LRP1B: variants seen among roughly 807,000 people sequenced by gnomAD.
The protein encoded by LRP1B is LDL receptor related protein 1B.
Under a neutral mutation model 556.6 loss-of-function variants are expected in LRP1B, and 217 were observed. The observed-to-expected ratio is 0.39, with a 90% confidence interval of 0.35 to 0.44. The LOEUF is 0.44. Among genes scored for constraint, LRP1B ranks in the 20% least tolerant of loss-of-function variants. LRP1B has a pLI of 1.00. For missense variants in LRP1B, 5,053 were observed against 5,620.8 expected (o/e 0.90, Z 3.23); for synonymous variants, 2,047 against 1,865.8 (o/e 1.10, Z -2.50).
chr2:141,776,140 C>T (rs2105626868), intron 2 of LRP1B, among the ~76,000 whole-genome samples: 1 of 152,276 alleles, frequency 6.6e-6, no homozygotes, highest in East Asian at 1.9e-4. Context: ...GCCACCAGCC[C>T]CGCCAAGTTT....
intron 2 of LRP1B, among the ~76,000 whole-genome samples, chr2:141,554,650 AATG>A (rs1343773783): frequency 1.3e-5 from 2 of 151,948 alleles, no homozygotes; most frequent in Non-Finnish European, 2.9e-5. Context: ...TACATTTTTT[AATG>A]ATATGTTTCT....
chr2:140,614,750 A>T (rs1417810563), intron 41 of LRP1B, among the ~76,000 whole-genome samples: 1 of 152,184 alleles, frequency 6.6e-6, no homozygotes, highest in Non-Finnish European at 1.5e-5. Context: ...AGAATCTCCC[A>T]TATAACATTG....
intron 32 of LRP1B, 127 bp downstream of exon 32, chr2:140,813,530 G>C: frequency 4.0e-6 from 3 of 745,728 alleles, no homozygotes; most frequent in South Asian, 3.5e-5. Context: ...AAACCTCATA[G>C]AAGTGTTCAA....
chr2:140,259,536 T>G (rs1327975674), intron 86 of LRP1B, among the ~76,000 whole-genome samples: 3 of 151,992 alleles, frequency 2.0e-5, no homozygotes, highest in African/African-American at 7.2e-5. Flanking sequence ...AATTTATTAA[T>G]GAAGGAAGAT....
At chr2:140,878,902 T>C (rs574545046) in intron 25 of LRP1B, among the ~76,000 whole-genome samples, 2 of 151,304 alleles carry the variant, frequency 1.3e-5, no homozygotes, top group East Asian at 3.9e-4. Context: ...AACTACAGAA[T>C]TGCTTGAACC....
chr2:140,848,171 C>G (rs972783542), intron 29 of LRP1B, among the ~76,000 whole-genome samples: 1 of 152,136 alleles, frequency 6.6e-6, no homozygotes, highest in African/African-American at 2.4e-5. Flanking sequence ...TTCAGAGACA[C>G]CTAATGTCCT....
chr2:141,297,761 C>T (rs116122268), intron 3 of LRP1B, among the ~76,000 whole-genome samples: 311 of 152,192 alleles, frequency 2.0e-3, no homozygotes, highest in African/African-American at 7.0e-3. Context: ...AACGGTGCTC[C>T]CTAAGATGAT....
chr2:141,030,343 G>A lies in LRP1B; in HGVS notation c.1790-10241C>T, dbSNP rs1266064435. On this transcript the variant is annotated intron_variant, in intron 11 of 90. Coordinates refer to ENST00000389484, the MANE Select transcript of LRP1B (RefSeq NM_018557.3). The stretch of plus-strand genomic sequence containing the variant: ...TGTTTGTCTCAGAATGATATTTTAT[G>A]TATATCTCTATATCTTTTTTATCTT... Among the ~76,000 whole-genome samples the A allele has an allele frequency of 2.6e-5, 4 of 152,036 alleles. No homozygotes were observed. The South Asian group carries it at 8.3e-4, about 31-fold the overall frequency.
chr2:140,868,136 C>A lies in LRP1B; in HGVS notation c.4297G>T (p.Asp1433Tyr), dbSNP rs2105156030. 1.2e-6 allele frequency: 2 copies of A among 1,609,226 alleles called. No individual in the cohort carries two copies. Among genetic ancestry groups the A allele is most frequent in the Non-Finnish European group, 1.7e-6 (2 of 1,178,074 alleles). ...CACACTATCCTTTTCTCAAAGTGGT[C>A]CACAGTTAGTCCATTAGGCCAAGCC... ...TGAWPNGLTV[D>Y]HFEKRIVWTD... Residue 1433 changes from aspartate (D) to tyrosine (Y), a missense_variant, in exon 26 of 91, where the codon GAC becomes TAC. Around this residue, in one of 5 missense-constraint regions of LRP1B, gnomAD observed 3,619 missense variants for 3,931.9 expected, o/e 0.92. Transcript: ENST00000389484.
intron 1 of LRP1B, among the ~76,000 whole-genome samples, chr2:141,895,048 CAAAAAAAAAAAA>C (rs369108197): frequency 1.3e-5 from 1 of 78,522 alleles, no homozygotes. Context: ...AACTCCATCT[CAAAAAAAAAAAA>C]AAAAAAGAAA....
At position 141,879,191 on chromosome 2, in the gene LRP1B, G is replaced by A. The variant is rs555587033; in HGVS notation, c.83-68790C>T. Among the ~76,000 whole-genome samples the A allele has an allele frequency of 3.5e-4, 53 of 151,836 alleles. No homozygotes were observed. The South Asian group carries it at 1.0e-2, about 29-fold the overall frequency. ...ATTCCTTATATTAATAAGCAGAGAT[G>A]TAGGTATCATATTGTAAAAATATTT... On this transcript the variant is annotated intron_variant, in intron 1 of 90. Transcript: ENST00000389484.
intron 41 of LRP1B, among the ~76,000 whole-genome samples, chr2:140,665,596 T>C (rs951378637): frequency 2.0e-5 from 3 of 152,202 alleles, no homozygotes; most frequent in Non-Finnish European, 4.4e-5. Context: ...TAGAAATGTG[T>C]TCATTATTGC....
chr2:140,632,708 A>C (rs960685668), intron 41 of LRP1B, among the ~76,000 whole-genome samples: 2 of 152,198 alleles, frequency 1.3e-5, no homozygotes, highest in Non-Finnish European at 2.9e-5. Flanking sequence ...ATTAAAAGGC[A>C]AAGATTGTCA....
At chr2:140,688,145 G>T (rs200838699) in intron 41 of LRP1B, among the ~76,000 whole-genome samples, 1 of 147,392 alleles carries the variant, frequency 6.8e-6, no homozygotes, top group East Asian at 2.0e-4. Context: ...TCAGCCAATT[G>T]TTTTTTTACA....
chr2:140,357,997 C>T lies in LRP1B; in HGVS notation c.11377G>A (p.Glu3793Lys), dbSNP rs2105134760. Residue 3793 changes from glutamate to lysine, a missense_variant, in exon 74 of 91, where the codon GAG becomes AAG. This residue lies in a region of LRP1B where 599 missense variants were observed against 648.4 expected (regional missense o/e 0.92). Transcript: ENST00000389484. ...AGCTCACCTATTCTGCATCCTTGCTCATCTGAACCATCTCCGCAGTCATCA... is the reference window on the plus strand; with the variant it reads ...AGCTCACCTATTCTGCATCCTTGCTTATCTGAACCATCTCCGCAGTCATCA... ...RLDDCGDGSD[E>K]QGCRIAPTEY... is the part of the protein sequence containing the mutation. 2 of 1,610,718 alleles carry T rather than the reference C, an allele frequency of 1.2e-6. No homozygotes were observed. Among genetic ancestry groups the T allele is most frequent in the Non-Finnish European group, 1.7e-6 (2 of 1,177,812 alleles).
chr2:141,915,413 G>A (rs1184851038), intron 1 of LRP1B, among the ~76,000 whole-genome samples: 1 of 151,852 alleles, frequency 6.6e-6, no homozygotes, highest in Non-Finnish European at 1.5e-5. Context: ...AATTGTATAT[G>A]GTGAACCTTT....
At chr2:141,145,811 G>T (rs1701768449) in intron 7 of LRP1B, among the ~76,000 whole-genome samples, 1 of 151,856 alleles carries the variant, frequency 6.6e-6, no homozygotes, top group Non-Finnish European at 1.5e-5. Context: ...GGGACTACAG[G>T]CATGAGCCAC....
intron 7 of LRP1B, among the ~76,000 whole-genome samples, chr2:141,085,601 T>C (rs370290409): frequency 6.6e-6 from 1 of 152,174 alleles, no homozygotes; most frequent in Admixed American, 6.5e-5. Context: ...CATCTTGATC[T>C]GAGACCAGCA....
At chr2:140,937,777 T>C (rs948387507) in intron 20 of LRP1B, among the ~76,000 whole-genome samples, 4 of 152,090 alleles carry the variant, frequency 2.6e-5, no homozygotes, top group Admixed American at 1.3e-4. Flanking sequence ...GGGTATGATA[T>C]AGATTAGAAG....
Sources: allele counts gnomAD v4.1 joint callset (sites outside exome capture counted in the v4.1 genomes callset), GRCh38; gene constraint gnomAD v4.1.1; regional missense constraint gnomAD v4.1.1; transcripts MANE v1.5; gene names NCBI Gene and HGNC (gene_info 2026-07-23, HGNC 2026-07-21).